Variants in SHISA6 observed in about 807,000 individuals in gnomAD.
SHISA6 encodes the protein shisa family member 6.
SHISA6 carries 22 observed loss-of-function variants against 47.9 expected under a neutral mutation model. The ratio of observed to expected loss-of-function variants is 0.46; its 90% CI spans 0.33 to 0.66. The LOEUF (loss-of-function observed/expected upper bound fraction) is 0.66, where lower values mean the gene tolerates loss of function less well. SHISA6 is among the 30% of genes least tolerant of loss of function. The pLI, the probability that SHISA6 is intolerant of heterozygous loss-of-function variation, is 0.02. For missense variants in SHISA6, 680 were observed against 764.6 expected (o/e 0.89, Z 1.30); for synonymous variants, 388 against 337.8 (o/e 1.15, Z -1.63).
At chr17:11,470,456 C>T (rs1291633256) in intron 3 of SHISA6, among the ~76,000 whole-genome samples, 1 of 152,188 alleles carries the variant, frequency 6.6e-6, no homozygotes, top group Non-Finnish European at 1.5e-5. Context: ...TTAGCCTTCC[C>T]TTGCTTAGGA....
chr17:11,506,281 T>C (rs1443852129), intron 3 of SHISA6, among the ~76,000 whole-genome samples: 1 of 152,172 alleles, frequency 6.6e-6, no homozygotes, highest in Admixed American at 6.5e-5. Context: ...CTGTCTCTCT[T>C]TACTTCCTCT....
Position 11,449,966 on chromosome 17 carries a change from G to C in SHISA6, c.895+70457G>C, listed in dbSNP as rs369823998. ...GTGGCGCGATCTCAGCTCACTGCAA[G>C]CTCCGCCTCCTGGGTTCACGCCATT... On this transcript the variant is annotated intron_variant, in intron 3 of 5. Transcript: ENST00000441885. Among the ~76,000 whole-genome samples the C allele has an allele frequency of 4.4e-3, 675 of 152,286 alleles. 5 individuals carry two copies. Among genetic ancestry groups the C allele is most frequent in the African/African-American group, 0.015 (634 of 41,582 alleles).
chr17:11,333,406 A>G (rs773410774), intron 2 of SHISA6, among the ~76,000 whole-genome samples: 3 of 151,762 alleles, frequency 2.0e-5, no homozygotes, highest in African/African-American at 7.3e-5. Context: ...AACTTTTACC[A>G]CCCCCTGCAG....
intron 3 of SHISA6, among the ~76,000 whole-genome samples, chr17:11,496,026 C>T (rs1475418380): frequency 2.0e-5 from 3 of 151,970 alleles, no homozygotes; most frequent in Non-Finnish European, 2.9e-5. Context: ...TCCATCCATC[C>T]ATCCATCACA....
chr17:11,454,687 C>T (rs774997928), intron 3 of SHISA6, among the ~76,000 whole-genome samples: 2 of 152,198 alleles, frequency 1.3e-5, no homozygotes, highest in Non-Finnish European at 2.9e-5. Flanking sequence ...AGTCTAAATG[C>T]CACTTTCTCA....
At chr17:11,255,526 T>A (rs1907974524) in intron 1 of SHISA6, among the ~76,000 whole-genome samples, 1 of 152,250 alleles carries the variant, frequency 6.6e-6, no homozygotes, top group African/African-American at 2.4e-5. Context: ...TTCATCTGGA[T>A]ACTTCTTTGC....
intron 3 of SHISA6, among the ~76,000 whole-genome samples, chr17:11,402,863 A>G (rs1913825034): frequency 6.6e-6 from 1 of 152,182 alleles, no homozygotes; most frequent in Non-Finnish European, 1.5e-5. Flanking sequence ...AGATGCCAAA[A>G]GGTGTAGGTT....
chr17:11,527,066 AC>A (rs1485247858), intron 3 of SHISA6, among the ~76,000 whole-genome samples: 9 of 151,824 alleles, frequency 5.9e-5, no homozygotes, highest in Admixed American at 1.3e-4. Flanking sequence ...CAAAAGGGAA[AC>A]CCTTTACCAC....
intron 3 of SHISA6, among the ~76,000 whole-genome samples, chr17:11,442,228 T>C (rs1915112921): frequency 6.6e-6 from 1 of 152,050 alleles, no homozygotes; most frequent in African/African-American, 2.4e-5. Context: ...CTCAGACTTA[T>C]GGGCACATGA....
intron 3 of SHISA6, among the ~76,000 whole-genome samples, chr17:11,515,322 A>C (rs2071575993): frequency 9.5e-6 from 1 of 105,272 alleles, no homozygotes; most frequent in African/African-American, 3.5e-5. Flanking sequence ...AAAAGGAAGG[A>C]AGGAAGGAAG....
intron 3 of SHISA6, among the ~76,000 whole-genome samples, chr17:11,407,757 T>C (rs1914006498): frequency 6.6e-6 from 1 of 152,092 alleles, no homozygotes; most frequent in Non-Finnish European, 1.5e-5. Context: ...TGACGGCTCC[T>C]TTTTTTGGAT....
At chr17:11,412,590 G>A (rs1039292135) in intron 3 of SHISA6, among the ~76,000 whole-genome samples, 1 of 151,512 alleles carries the variant, frequency 6.6e-6, no homozygotes, top group Admixed American at 6.6e-5. Context: ...CGCTCAGGCT[G>A]GAGTGCAGTG....
chr17:11,558,644 T>G lies in SHISA6; in HGVS notation c.*340T>G. The G allele has an allele frequency of 2.8e-6, 1 of 355,742 alleles. No homozygotes were observed. The allele number at this position is 355,742 out of a possible 1,614,324, so 22.0% of individuals were successfully genotyped here. A position where few individuals can be genotyped will look rare whatever the true frequency, so the allele number is the denominator to read the frequency against. On this transcript the variant is annotated 3_prime_UTR_variant, in exon 6 of 6. Transcript: ENST00000441885. ...CTTCTCCCCATCCGGGGGACTCAGCTGCAGGTTCTGTCAGCAGAGAGACCC... is the reference window on the plus strand; with the variant it reads ...CTTCTCCCCATCCGGGGGACTCAGCGGCAGGTTCTGTCAGCAGAGAGACCC...
chr17:11,331,473 A>G (rs1220476845), intron 2 of SHISA6, among the ~76,000 whole-genome samples: 1 of 152,166 alleles, frequency 6.6e-6, no homozygotes, highest in African/African-American at 2.4e-5. Context: ...TTTGAGAGGT[A>G]TGTCTGTGGG....
intron 3 of SHISA6, among the ~76,000 whole-genome samples, chr17:11,396,821 A>T (rs1037312741): frequency 6.6e-6 from 1 of 152,188 alleles, no homozygotes; most frequent in African/African-American, 2.4e-5. Flanking sequence ...ATGATGGTTG[A>T]CAGGTGCGGC....
chr17:11,319,074 GTTT>G (rs57696970), intron 2 of SHISA6, among the ~76,000 whole-genome samples: 75,139 of 133,810 alleles, frequency 0.56, 21,049 homozygotes, highest in Non-Finnish European at 0.65. Flanking sequence ...TTCTTCTTAT[GTTT>G]TTTTTTTTTT....
intron 3 of SHISA6, among the ~76,000 whole-genome samples, chr17:11,434,088 G>A (rs983855197): frequency 3.8e-5 from 5 of 132,144 alleles, no homozygotes; most frequent in African/African-American, 1.5e-4. Context: ...TTTTGAGACT[G>A]TGTCTCGGTC....
chr17:11,502,682 G>A (rs555325270), intron 3 of SHISA6, among the ~76,000 whole-genome samples: 11 of 152,264 alleles, frequency 7.2e-5, no homozygotes, highest in South Asian at 2.1e-4. Context: ...AGCTGAGATC[G>A]TGCCATCGCA....
Position 11,363,482 on chromosome 17 carries a change from A to G in SHISA6, c.800-15932A>G, listed in dbSNP as rs371802694. On this transcript the variant is annotated intron_variant, in intron 2 of 5. Coordinates refer to ENST00000441885, the MANE Select transcript of SHISA6 (RefSeq NM_207386.4). ...TCTCAGTTTTCTACTGAAAGAGTAA[A>G]TATTGGTGGTTTCTAATTTTCCTCT... Among the ~76,000 whole-genome samples the G allele has an allele frequency of 1.3e-4, 20 of 152,278 alleles. No homozygotes were observed. The South Asian group carries it at 3.7e-3, about 28-fold the overall frequency.
Sources: gnomAD v4.1 joint callset for allele counts (sites outside exome capture counted in the v4.1 genomes callset) on GRCh38, gnomAD v4.1.1 for gene constraint, MANE v1.5 for transcripts, NCBI Gene and HGNC (gene_info 2026-07-23, HGNC 2026-07-21) for gene names.